Variants in THAP10 observed in about 807,000 individuals in gnomAD.
THAP10 encodes THAP domain-containing protein 10.
In THAP10, 10 loss-of-function variants were observed where a neutral mutation model predicts 15.7. The ratio of observed to expected loss-of-function variants is 0.64; its 90% CI spans 0.39 to 1.08. The LOEUF is 1.08. Ranked by LOEUF, THAP10 falls within the 50% of genes least tolerant of loss-of-function variation. The pLI, the probability that THAP10 is intolerant of heterozygous loss-of-function variation, is 0.01. For synonymous variants in THAP10, 127 were observed against 129.1 expected, an observed-to-expected ratio of 0.98 and a Z score of 0.11; for missense variants, 310 against 330.9, an observed-to-expected ratio of 0.94 and a Z score of 0.49.
chr15:70,882,533 GT>G lies in THAP10; in HGVS notation c.694del (p.Thr232GlnfsTer21). 14 of 1,613,850 alleles carry G rather than the reference GT, an allele frequency of 8.7e-6. No homozygotes were observed. The highest frequency in any genetic ancestry group is 1.2e-5 in the Non-Finnish European group (14 of 1,179,824). On this transcript the variant is annotated frameshift_variant, in exon 3 of 3. Transcript: ENST00000249861. LOFTEE classifies it high-confidence loss of function. The stretch of plus-strand genomic sequence containing the variant: ...ACTCTTGATATCCCAGTCTGTATCT[GT>G]TTCTGAATCACTGGAGTAAATGTCA... ...LFDIYSSDSE[T>X]DTDWDIKSEQ...
intron 1 of THAP10, among the ~76,000 whole-genome samples, chr15:70,884,112 AAAGT>A (rs1280338833): frequency 5.3e-5 from 8 of 152,168 alleles, no homozygotes; most frequent in African/African-American, 1.9e-4. Context: ...GGGAGGAGAG[AAAGT>A]AAGTGATAGA....
Position 70,891,939 on chromosome 15 carries a change from G to A in THAP10, c.334C>T (p.Arg112Ter). The A allele has an allele frequency of 3.1e-6, 5 of 1,612,900 alleles. 1 individual carries two copies. The South Asian group carries it at 4.4e-5, about 14-fold the overall frequency. ...TGCCTGGCTGCCTGGAGCTCTCCTC[G>A]CGTGTCCAGGCGGCCTGCTTGGTCT... ...EGDQAGRLDT[R>*]GELQAARHSE... Residue 112 changes from arginine (R) to a stop codon, truncating the protein, a stop_gained, in exon 1 of 3, where the codon CGA (arginine) becomes TGA (stop). Transcript: ENST00000249861. LOFTEE classifies it high-confidence loss of function.
In THAP10 at chr15:70,882,882, T is replaced by C. The variant is rs774544675; in HGVS notation, c.456A>G (p.Gln152=). ...ATGGATTATCAGCATGGGGTTGGGT[T>C]TGCACAAGTTCATTTTCACACGTAA... ...SQITCENELV[Q]TQPHADNPSN... The change falls in exon 2 of 3, where the codon CAA becomes CAG. Residue 152 remains glutamine, a synonymous_variant. Coordinates refer to ENST00000249861, the MANE Select transcript of THAP10 (RefSeq NM_020147.4). 6.2e-6 allele frequency: 10 copies of C among 1,613,916 alleles called. No individual in the cohort carries two copies. The highest frequency in any genetic ancestry group is 2.5e-6 in the Non-Finnish European group (3 of 1,179,980).
At chr15:70,890,460 A>G (rs1253613231) in intron 1 of THAP10, among the ~76,000 whole-genome samples, 3 of 152,336 alleles carry the variant, frequency 2.0e-5, no homozygotes, top group South Asian at 2.1e-4. Flanking sequence ...TGAATTACTT[A>G]AATTTGTAAA....
At chr15:70,891,612 TGTGTGTGA>T (rs1228701569) in intron 1 of THAP10, among the ~76,000 whole-genome samples, 3 of 105,812 alleles carry the variant, frequency 2.8e-5, no homozygotes, top group Non-Finnish European at 4.0e-5. Flanking sequence ...TGTGTGTGTG[TGTGTGTGA>T]GTTTTGGGGG....
intron 1 of THAP10, among the ~76,000 whole-genome samples, chr15:70,890,512 A>T (rs895735672): frequency 1.3e-5 from 2 of 152,344 alleles, no homozygotes; most frequent in African/African-American, 4.8e-5. Flanking sequence ...AAGAAATCAG[A>T]CATGATCCTA....
chr15:70,887,341 C>T (rs1036407786), intron 1 of THAP10, among the ~76,000 whole-genome samples: 8 of 152,048 alleles, frequency 5.3e-5, no homozygotes, highest in Non-Finnish European at 1.2e-4. Flanking sequence ...CAGTTTCACT[C>T]GTGCACACAG....
rs1247900114 is a variant in THAP10, at chr15:70,882,280, A to G, written c.*174T>C. 7.1e-6 allele frequency: 4 copies of G among 566,670 alleles called. No homozygotes were observed. Among genetic ancestry groups the G allele is most frequent in the African/African-American group, 5.6e-5 (3 of 53,492 alleles). The allele number at this position is 566,670 out of a possible 1,614,324, so 35.1% of individuals were successfully genotyped here. A position where few individuals can be genotyped will look rare whatever the true frequency, so the allele number is the denominator to read the frequency against. ...AGAATAGGGATGTTTGTGGGTAGGT[A>G]TTATCTTCATTGTGTTGGCAAGCAA... On this transcript the variant is annotated 3_prime_UTR_variant, in exon 3 of 3. Transcript: ENST00000249861.
At chr15:70,885,585 T>G (rs752805263) in intron 1 of THAP10, among the ~76,000 whole-genome samples, 1 of 152,192 alleles carries the variant, frequency 6.6e-6, no homozygotes, top group Non-Finnish European at 1.5e-5. Context: ...TGGAAACAGA[T>G]GTACTATGCA....
chr15:70,890,174 T>C (rs2033514807), intron 1 of THAP10, among the ~76,000 whole-genome samples: 1 of 152,204 alleles, frequency 6.6e-6, no homozygotes, highest in Non-Finnish European at 1.5e-5. Flanking sequence ...TTTGATTAGG[T>C]TGTGTAATTA....
intron 1 of THAP10, among the ~76,000 whole-genome samples, chr15:70,889,816 G>T (rs2033506674): frequency 1.3e-5 from 2 of 152,076 alleles, no homozygotes; most frequent in Admixed American, 1.3e-4. Context: ...GTTAGTCCTG[G>T]GATTGGGAAG....
intron 1 of THAP10, among the ~76,000 whole-genome samples, chr15:70,886,269 AG>A (rs1297809300): frequency 2.6e-5 from 4 of 152,178 alleles, no homozygotes; most frequent in Non-Finnish European, 5.9e-5. Context: ...ATCATGCAAA[AG>A]GTATTCCACA....
At chr15:70,889,881 T>C (rs2033508268) in intron 1 of THAP10, among the ~76,000 whole-genome samples, 1 of 152,202 alleles carries the variant, frequency 6.6e-6, no homozygotes, top group African/African-American at 2.4e-5. Flanking sequence ...TTTAGCGATG[T>C]GGTTAGGGTT....
At chr15:70,887,124 C>T (rs977070770) in intron 1 of THAP10, among the ~76,000 whole-genome samples, 1 of 151,928 alleles carries the variant, frequency 6.6e-6, no homozygotes, top group African/African-American at 2.4e-5. Context: ...GAAATTGAAT[C>T]CATCATAAAA....
At chr15:70,884,083 G>A (rs2033339396) in intron 1 of THAP10, among the ~76,000 whole-genome samples, 1 of 152,134 alleles carries the variant, frequency 6.6e-6, no homozygotes, top group South Asian at 2.1e-4. Context: ...AAAGATATCT[G>A]GAAAAGTTAA....
chr15:70,881,386 T>C lies in THAP10; in HGVS notation c.*1068A>G, dbSNP rs989316206. ...TATTTTCCTTAAAGCAGACATAAAA[T>C]TACATTTGGAAGAAAATAACTTTGA... On this transcript the variant is annotated 3_prime_UTR_variant, in exon 3 of 3. Transcript: ENST00000249861. The C allele has an allele frequency of 1.3e-5, 2 of 152,252 alleles. No homozygotes were observed. The highest frequency in any genetic ancestry group is 2.9e-5 in the Non-Finnish European group (2 of 68,042). 9.4% of individuals were successfully genotyped at this position (152,252 alleles called of 1,614,324 possible). A position where few individuals can be genotyped will look rare whatever the true frequency, so the allele number is the denominator to read the frequency against.
chr15:70,886,195 A>C (rs2033403574), intron 1 of THAP10, among the ~76,000 whole-genome samples: 1 of 152,186 alleles, frequency 6.6e-6, no homozygotes, highest in Admixed American at 6.5e-5. Flanking sequence ...GGGACTTATA[A>C]TCTTTAATGC....
intron 1 of THAP10, among the ~76,000 whole-genome samples, chr15:70,890,972 C>A (rs2033541696): frequency 6.6e-6 from 1 of 152,072 alleles, no homozygotes; most frequent in Non-Finnish European, 1.5e-5. Flanking sequence ...TTGCAAGATG[C>A]CATTAAAGGG....
Position 70,882,501 on chromosome 15 carries a change from T to C in THAP10, c.727A>G (p.Ser243Gly). The C allele has an allele frequency of 2.5e-6, 4 of 1,613,800 alleles. No individual in the cohort carries two copies. The highest frequency in any genetic ancestry group is 3.4e-6 in the Non-Finnish European group (4 of 1,179,910). The change falls in exon 3 of 3, where the codon AGT becomes GGT. Residue 243 changes from serine to glycine, a missense_variant. By Grantham distance (56) the Ser-to-Gly change is moderately conservative. Transcript: ENST00000249861. ...DTDWDIKSEQ[S>G]DLSYMAVQVK... ...TGTACAGCCATATAAGACAAATCAC[T>C]CTGTTCACTCTTGATATCCCAGTCT...
Sources: allele counts gnomAD v4.1 joint callset (sites outside exome capture counted in the v4.1 genomes callset), GRCh38; gene constraint gnomAD v4.1.1; transcripts MANE v1.5; gene names NCBI Gene and HGNC (gene_info 2026-07-23, HGNC 2026-07-21).